Variants in ITGA2 observed in about 807,000 individuals in gnomAD.
The protein encoded by ITGA2 is integrin subunit alpha 2, also known as integrin alpha-2.
Under a neutral mutation model 146.3 loss-of-function variants are expected in ITGA2, and 101 were observed. The ratio of observed to expected loss-of-function variants is 0.69; its 90% CI spans 0.59 to 0.81. The LOEUF is 0.81. ITGA2 is among the 40% of genes least tolerant of loss of function. The pLI, the probability that ITGA2 is intolerant of heterozygous loss-of-function variation, is 0.00. For synonymous variants in ITGA2, 477 were observed against 487.1 expected (o/e 0.98, Z 0.27); for missense variants, 1,281 against 1,402.7 (o/e 0.91, Z 1.39).
At chr5:53,065,174 A>C in intron 14 of ITGA2, 59 bp downstream of exon 14, 2 of 1,506,356 alleles carry the variant, frequency 1.3e-6, no homozygotes, top group Non-Finnish European at 1.8e-6. Context: ...TATTAGACAT[A>C]GAAAGCGTCA....
Position 53,067,188 on chromosome 5 carries a change from A to G in ITGA2, c.2014A>G (p.Asn672Asp). The G allele has an allele frequency of 6.2e-7, 1 of 1,611,740 alleles. No homozygotes were observed. ...TPEKITLVNK[N>D]AQIILKLCFS... is the part of the protein sequence containing the mutation. Reference sequence around the variant, plus strand: ...AGAAAAAATCACTTTGGTCAACAAGAATGCTCAGATAATTCTCAAACTCTG... The same window carrying G: ...AGAAAAAATCACTTTGGTCAACAAGGATGCTCAGATAATTCTCAAACTCTG... Residue 672 changes from asparagine to aspartate, a missense_variant, in exon 16 of 30, where the codon AAT becomes GAT. Around this residue, in one of 3 missense-constraint regions of ITGA2, gnomAD observed 795 missense variants for 841.7 expected, o/e 0.94. Coordinates refer to ENST00000296585, the MANE Select transcript of ITGA2 (RefSeq NM_002203.4).
At chr5:53,070,049 G>T in intron 16 of ITGA2, 60 bp from the exon 17 acceptor site, 10 of 1,369,702 alleles carry the variant, frequency 7.3e-6, no homozygotes, top group Non-Finnish European at 1.0e-5. Flanking sequence ...ATAAAGCAAA[G>T]ATGCTTTTTC....
At chr5:53,079,022 T>C (rs1208544273) in intron 24 of ITGA2, 148 bp downstream of exon 24, 1 of 670,658 alleles carries the variant, frequency 1.5e-6, no homozygotes, top group South Asian at 1.6e-5. Context: ...CCTGGAGGAA[T>C]TGTGAAACCA....
Position 53,081,715 on chromosome 5 carries a change from G to A in ITGA2, c.3144+19G>A, listed in dbSNP as rs771805783. On this transcript the variant is annotated intron_variant, in intron 26 of 29. Transcript: ENST00000296585. ...AGAATTGGTGAGGACAAGTTAACGT[G>A]TGAAAGCTCCCCTCATTCATTTATT... is the stretch of plus-strand genomic sequence containing the variant. 8 of 1,504,748 alleles carry A rather than the reference G, an allele frequency of 5.3e-6. No individual in the cohort carries two copies. Among genetic ancestry groups the A allele is most frequent in the Non-Finnish European group, 6.5e-6 (7 of 1,083,474 alleles). The allele number at this position is 1,504,748 out of a possible 1,614,324, so 93.2% of individuals were successfully genotyped here. A position where few individuals can be genotyped will look rare whatever the true frequency, so the allele number is the denominator to read the frequency against.
chr5:53,064,251 A>T (rs1235281420), intron 13 of ITGA2, among the ~76,000 whole-genome samples: 1 of 151,940 alleles, frequency 6.6e-6, no homozygotes, highest in East Asian at 1.9e-4. Context: ...TTCATTCAAG[A>T]TATTAGTAAT....
intron 1 of ITGA2, among the ~76,000 whole-genome samples, chr5:53,001,568 A>G (rs1004148165): frequency 6.6e-6 from 1 of 152,174 alleles, no homozygotes; most frequent in Non-Finnish European, 1.5e-5. Flanking sequence ...GCAAGACAAA[A>G]AGTGATTCAA....
At chr5:53,048,299 T>C in intron 4 of ITGA2, 64 bp from the exon 5 acceptor site, 1 of 1,167,054 alleles carries the variant, frequency 8.6e-7, no homozygotes, top group Non-Finnish European at 1.3e-6. Flanking sequence ...AGCTCCATAA[T>C]GGAGAGGTAG....
In ITGA2 at chr5:52,989,417, C is replaced by G; in HGVS notation, c.-52C>G. ...CGTATCCCTCGGCCAAGGGTATCCTCTGCAAACCTCTGCAAACCCAGCGCA... is the reference window on the plus strand; with the variant it reads ...CGTATCCCTCGGCCAAGGGTATCCTGTGCAAACCTCTGCAAACCCAGCGCA... On this transcript the variant is annotated 5_prime_UTR_variant, in exon 1 of 30. Coordinates refer to ENST00000296585, the MANE Select transcript of ITGA2 (RefSeq NM_002203.4). The G allele has an allele frequency of 1.9e-6, 3 of 1,590,486 alleles. No homozygotes were observed. Among genetic ancestry groups the G allele is most frequent in the Non-Finnish European group, 2.6e-6 (3 of 1,158,390 alleles).
In ITGA2 at chr5:53,044,877, T is replaced by C. The variant is rs1002647532; in HGVS notation, c.296-124T>C. The C allele has an allele frequency of 8.4e-6, 6 of 716,444 alleles. No homozygotes were observed. In the African/African-American group the frequency reaches 1.1e-4, roughly 13 times the overall value. The allele number at this position is 716,444 out of a possible 1,614,324, so 44.4% of individuals were successfully genotyped here. ...CCCACACTTCATTATATAACTCAAG[T>C]ACCTATATTGATGACACTAAATTCA... On this transcript the variant is annotated intron_variant, in intron 3 of 29. Coordinates refer to ENST00000296585, the MANE Select transcript of ITGA2 (RefSeq NM_002203.4).
intron 2 of ITGA2, among the ~76,000 whole-genome samples, chr5:53,033,906 A>G (rs1213539636): frequency 6.6e-6 from 1 of 151,712 alleles, no homozygotes; most frequent in Non-Finnish European, 1.5e-5. Flanking sequence ...TGAAACTACA[A>G]GCGCCCACCA....
rs373539496 is a variant in ITGA2 at position 53,051,416 on chromosome 5, G to A, written c.636G>A (p.Gly212=). Residue 212 remains glycine (G), a synonymous_variant, in exon 7 of 30, where the codon GGG becomes GGA. Coordinates refer to ENST00000296585, the MANE Select transcript of ITGA2 (RefSeq NM_002203.4). The stretch of plus-strand genomic sequence containing the variant: ...AAATGTCTCCTCTGTTGAAGGTGGG[G>A]TTAATTCAGTATGCCAATAATCCAA... ...LDIGPTKTQV[G]LIQYANNPRV... 2 of 1,613,270 alleles carry A rather than the reference G, an allele frequency of 1.2e-6. No individual in the cohort carries two copies. Among genetic ancestry groups the A allele is most frequent in the Middle Eastern group, 1.7e-4 (1 of 6,046 alleles).
rs769950081 is a variant in ITGA2 at position 53,048,446 on chromosome 5, G to C, written c.471G>C (p.Gln157His). ...GVCSDISPDF[Q>H]LSASFSPATQ... is the part of the protein sequence containing the mutation. The stretch of plus-strand genomic sequence containing the variant: ...GTTCTGACATCAGTCCTGATTTTCA[G>C]CTCTCAGCCAGCTTCTCACCTGCAA... The change falls in exon 5 of 30, where the codon CAG (glutamine) becomes CAC (histidine). Residue 157 changes from glutamine (Q) to histidine (H), a missense_variant. By Grantham distance (24) the Gln-to-His change is conservative (BLOSUM62 0). This residue lies in a region of ITGA2 where 795 missense variants were observed against 841.7 expected (regional missense o/e 0.94). Transcript: ENST00000296585. 1 of 1,614,074 alleles carries C rather than the reference G, an allele frequency of 6.2e-7. No homozygotes were observed. Among genetic ancestry groups the C allele is most frequent in the South Asian group, 1.1e-5 (1 of 91,070 alleles).
intron 2 of ITGA2, among the ~76,000 whole-genome samples, chr5:53,036,100 A>G (rs1437701491): frequency 6.6e-6 from 1 of 151,864 alleles, no homozygotes; most frequent in Non-Finnish European, 1.5e-5. Flanking sequence ...CTCCTCAAGA[A>G]GTCCTGCTGC....
chr5:53,040,466 C>A (rs1743734463), intron 2 of ITGA2, among the ~76,000 whole-genome samples: 1 of 152,162 alleles, frequency 6.6e-6, no homozygotes, highest in African/African-American at 2.4e-5. Context: ...ACACGCGTTC[C>A]AATTCTGCAC....
In ITGA2 at chr5:53,080,638, T is replaced by C; in HGVS notation, c.3039+17T>C. 1 of 1,550,822 alleles carries C rather than the reference T, an allele frequency of 6.4e-7. No individual in the cohort carries two copies. The highest frequency in any genetic ancestry group is 8.9e-7 in the Non-Finnish European group (1 of 1,122,762). On this transcript the variant is annotated intron_variant, in intron 25 of 29. Transcript: ENST00000296585. Reference sequence around the variant, plus strand: ...ACAGACAAGGTAAAGATTAAAAAATTGCCTAAAAATGTGTACTTTCAAGAT... The same window carrying C: ...ACAGACAAGGTAAAGATTAAAAAATCGCCTAAAAATGTGTACTTTCAAGAT...
intron 1 of ITGA2, among the ~76,000 whole-genome samples, chr5:53,002,175 AAATTTT>A (rs1741615236): frequency 1.3e-5 from 2 of 152,094 alleles, no homozygotes; most frequent in Admixed American, 1.3e-4. Context: ...TAGTATTCTA[AAATTTT>A]AATTTTATAG....
At chr5:53,008,252 T>A (rs545747431) in intron 1 of ITGA2, among the ~76,000 whole-genome samples, 2 of 151,152 alleles carry the variant, frequency 1.3e-5, no homozygotes, top group South Asian at 4.3e-4. Context: ...TCTCACCATG[T>A]CCTCACATCA....
intron 1 of ITGA2, among the ~76,000 whole-genome samples, chr5:53,007,185 G>A (rs948196968): frequency 2.0e-5 from 3 of 152,134 alleles, no homozygotes; most frequent in Non-Finnish European, 4.4e-5. Flanking sequence ...AGGAAAAAAC[G>A]AGTTGCATAA....
chr5:53,075,475 C>A (rs1463001644), intron 23 of ITGA2, among the ~76,000 whole-genome samples, 171 bp downstream of exon 23: 1 of 151,920 alleles, frequency 6.6e-6, no homozygotes, highest in East Asian at 1.9e-4. Context: ...CCTAGGAAAA[C>A]CTTGAGTGAC....
Sources: allele counts gnomAD v4.1 joint callset (sites outside exome capture counted in the v4.1 genomes callset), GRCh38; gene constraint gnomAD v4.1.1; regional missense constraint gnomAD v4.1.1; transcripts MANE v1.5; gene names NCBI Gene and HGNC (gene_info 2026-07-23, HGNC 2026-07-21).